PARP14: variants seen among roughly 807,000 people sequenced by gnomAD.
PARP14 encodes the protein protein mono-ADP-ribosyltransferase PARP14.
Under a neutral mutation model 154.2 loss-of-function variants are expected in PARP14, and 59 were observed. The ratio of observed to expected loss-of-function variants is 0.38; its 90% CI spans 0.31 to 0.48. The LOEUF (loss-of-function observed/expected upper bound fraction) is 0.48, where lower values mean the gene tolerates loss of function less well. PARP14 is among the 20% of genes least tolerant of loss of function. The pLI is 0.98. For synonymous variants in PARP14, 720 were observed against 780.5 expected, an observed-to-expected ratio of 0.92 and a Z score of 1.29; for missense variants, 1,734 against 2,131.6, an observed-to-expected ratio of 0.81 and a Z score of 3.67.
chr3:122,697,047 G>C (rs1184786640), intron 5 of PARP14, among the ~76,000 whole-genome samples: 1 of 152,082 alleles, frequency 6.6e-6, no homozygotes, highest in Non-Finnish European at 1.5e-5. Context: ...AGCCTCCCCA[G>C]GCTCAGGTGA....
chr3:122,698,204 G>C (rs1193039944), intron 5 of PARP14, among the ~76,000 whole-genome samples: 1 of 152,208 alleles, frequency 6.6e-6, no homozygotes, highest in Non-Finnish European at 1.5e-5. Context: ...GAAGGCCACT[G>C]CTTTTCCCTC....
At chr3:122,725,283 C>A (rs1319507295) in intron 15 of PARP14, among the ~76,000 whole-genome samples, 1 of 149,388 alleles carries the variant, frequency 6.7e-6, no homozygotes, top group East Asian at 2.0e-4. Flanking sequence ...AGGCACTCCT[C>A]ACCTCCCAGA....
At chr3:122,715,634 C>CTATCTATT (rs1932977451) in intron 12 of PARP14, among the ~76,000 whole-genome samples, 1 of 151,670 alleles carries the variant, frequency 6.6e-6, no homozygotes, top group South Asian at 2.1e-4. Context: ...ATCTATCTAT[C>CTATCTATT]TATCTATCTA....
chr3:122,708,812 C>T (rs1261107433), intron 9 of PARP14, among the ~76,000 whole-genome samples: 2 of 151,994 alleles, frequency 1.3e-5, no homozygotes, highest in Non-Finnish European at 1.5e-5. Context: ...AGCTGTTCTC[C>T]CCATGCCTAC....
intron 3 of PARP14, among the ~76,000 whole-genome samples, chr3:122,690,014 T>A (rs989789121): frequency 6.6e-6 from 1 of 152,198 alleles, no homozygotes; most frequent in African/African-American, 2.4e-5. Flanking sequence ...TCTACCCAAT[T>A]CCACATACCC....
chr3:122,718,971 T>G lies in PARP14; in HGVS notation c.4807+13T>G. 1 of 1,545,148 alleles carries G rather than the reference T, an allele frequency of 6.5e-7. No homozygotes were observed. Among genetic ancestry groups the G allele is most frequent in the Non-Finnish European group, 8.7e-7 (1 of 1,147,252 alleles). ...ACGAAATCCAAAGGTGAGTTAAACATTCATACTTGTCATCCACTATTTCAC... is the reference window on the plus strand; with the variant it reads ...ACGAAATCCAAAGGTGAGTTAAACAGTCATACTTGTCATCCACTATTTCAC... On this transcript the variant is annotated intron_variant, in intron 14 of 16. Coordinates refer to ENST00000474629, the MANE Select transcript of PARP14 (RefSeq NM_017554.3).
rs757628427 is a variant in PARP14 at position 122,700,784 on chromosome 3, C to A, written c.2230C>A (p.His744Asn). ...VWDSVCVKSV[H>N]TDKPGAKQFF... The stretch of plus-strand genomic sequence containing the variant: ...GGATTCAGTCTGTGTTAAAAGTGTC[C>A]ATACTGATAAGCCAGGAGCCAAGCA... The change falls in exon 6 of 17, where the codon CAT becomes AAT. Residue 744 changes from histidine (H) to asparagine (N), a missense_variant. His to Asn is a moderately conservative substitution (Grantham distance 68, BLOSUM62 1). This residue lies in a region of PARP14 where 1,646 missense variants were observed against 1,976.0 expected (regional missense o/e 0.83). Transcript: ENST00000474629. 4 of 1,613,360 alleles carry A rather than the reference C, an allele frequency of 2.5e-6. No individual in the cohort carries two copies. In the South Asian group the frequency reaches 4.4e-5, roughly 18 times the overall value.
Position 122,718,940 on chromosome 3 carries a change from C to G in PARP14, c.4789C>G (p.Arg1597Gly). 1 of 1,583,268 alleles carries G rather than the reference C, an allele frequency of 6.3e-7. No individual in the cohort carries two copies. Among genetic ancestry groups the G allele is most frequent in the Non-Finnish European group, 8.6e-7 (1 of 1,166,414 alleles). The change falls in exon 14 of 17, where the codon CGC becomes GGC. Residue 1597 changes from arginine (R) to glycine (G), a missense_variant. Transcript: ENST00000474629. Reference protein sequence around the residue: ...DTKGHSLSVQRLTKSKVDIPA... With the variant: ...DTKGHSLSVQGLTKSKVDIPA... Reference sequence around the variant, plus strand: ...AAAGGGCCACAGTTTATCTGTTCAGCGCCTCACGAAATCCAAAGGTGAGTT... The same window carrying G: ...AAAGGGCCACAGTTTATCTGTTCAGGGCCTCACGAAATCCAAAGGTGAGTT...
Position 122,715,249 on chromosome 3 carries a change from C to T in PARP14, c.4000+820C>T, listed in dbSNP as rs148160439. 3.4e-3 allele frequency among the ~76,000 whole-genome samples: 524 copies of T among 152,260 alleles called. 3 individuals are homozygous for T. The highest frequency in any genetic ancestry group is 0.011 in the African/African-American group (447 of 41,548). On this transcript the variant is annotated intron_variant, in intron 12 of 16. Transcript: ENST00000474629. Reference sequence around the variant, plus strand: ...CATGCATTCTTAGGCTTGAAGTCAACGGAGCTGCCTTGTTCCAGTGCGAGA... The same window carrying T: ...CATGCATTCTTAGGCTTGAAGTCAATGGAGCTGCCTTGTTCCAGTGCGAGA...
chr3:122,692,766 A>AGT (rs1212532674), intron 4 of PARP14, among the ~76,000 whole-genome samples: 6 of 151,648 alleles, frequency 4.0e-5, no homozygotes, highest in Non-Finnish European at 4.4e-5. Flanking sequence ...GGAGTGCCCA[A>AGT]GTGTGTGTGT....
chr3:122,723,203 G>C (rs576682877), intron 15 of PARP14, among the ~76,000 whole-genome samples: 2 of 152,106 alleles, frequency 1.3e-5, no homozygotes, highest in Non-Finnish European at 2.9e-5. Flanking sequence ...GCCTCCCAAA[G>C]TGTTGGGATT....
intron 14 of PARP14, among the ~76,000 whole-genome samples, 186 bp from the exon 15 acceptor site, chr3:122,720,069 A>G (rs1422250130): frequency 6.6e-6 from 1 of 152,172 alleles, no homozygotes; most frequent in African/African-American, 2.4e-5. Flanking sequence ...TTTTTGTTTA[A>G]CAAGCATTCC....
At chr3:122,707,164 A>G (rs1939182109) in intron 8 of PARP14, among the ~76,000 whole-genome samples, 1 of 152,116 alleles carries the variant, frequency 6.6e-6, no homozygotes, top group South Asian at 2.1e-4. Flanking sequence ...CATGCCTGTA[A>G]TCCCAGCACC....
chr3:122,689,705 CTCTG>C (rs1054192997), intron 3 of PARP14, among the ~76,000 whole-genome samples: 9 of 152,224 alleles, frequency 5.9e-5, no homozygotes, highest in African/African-American at 4.8e-5. Context: ...TCCCTGCCTG[CTCTG>C]TCTGTGTCTG....
At chr3:122,684,474 T>C (rs1938307608) in intron 1 of PARP14, among the ~76,000 whole-genome samples, 1 of 152,226 alleles carries the variant, frequency 6.6e-6, no homozygotes, top group East Asian at 1.9e-4. Context: ...AACTGAGAGT[T>C]GAGAGAAGTT....
At chr3:122,688,271 A>G (rs1402732656) in intron 3 of PARP14, among the ~76,000 whole-genome samples, 1 of 152,204 alleles carries the variant, frequency 6.6e-6, no homozygotes. Context: ...GTGCATATTT[A>G]TTCTTGCTCT....
At position 122,700,799 on chromosome 3, in the gene PARP14, G is replaced by A. The variant is rs1159042606; in HGVS notation, c.2245G>A (p.Gly749Arg). The change falls in exon 6 of 17, where the codon GGA becomes AGA. Residue 749 changes from glycine (G) to arginine (R), a missense_variant. Gly to Arg is a moderately radical substitution (Grantham distance 125, BLOSUM62 -2). Coordinates refer to ENST00000474629, the MANE Select transcript of PARP14 (RefSeq NM_017554.3). ...TAAAAGTGTCCATACTGATAAGCCA[G>A]GAGCCAAGCAGTTCTTCCAGGATAA... ...CVKSVHTDKP[G>R]AKQFFQDKAR... 1 of 1,613,774 alleles carries A rather than the reference G, an allele frequency of 6.2e-7. No homozygotes were observed. The highest frequency in any genetic ancestry group is 1.3e-5 in the African/African-American group (1 of 75,046).
chr3:122,682,361 C>A (rs1156428024), intron 1 of PARP14, among the ~76,000 whole-genome samples: 2 of 152,094 alleles, frequency 1.3e-5, no homozygotes, highest in Admixed American at 6.5e-5. Flanking sequence ...ATCTGAATCA[C>A]CTGGAGAGCA....
At chr3:122,690,873 G>A (rs1368516097) in intron 3 of PARP14, among the ~76,000 whole-genome samples, 1 of 152,180 alleles carries the variant, frequency 6.6e-6, no homozygotes, top group African/African-American at 2.4e-5. Context: ...TGTGATGGTG[G>A]TGGGAGTGTC....
Sources: gnomAD v4.1 joint callset for allele counts (sites outside exome capture counted in the v4.1 genomes callset) on GRCh38, gnomAD v4.1.1 for gene constraint, gnomAD v4.1.1 regional missense constraint, MANE v1.5 for transcripts, NCBI Gene and HGNC (gene_info 2026-07-23, HGNC 2026-07-21) for gene names.